RABGEF1: variants seen among roughly 807,000 people sequenced by gnomAD.
RABGEF1 encodes rab5 GDP/GTP exchange factor.
In RABGEF1, 26 loss-of-function variants were observed where a neutral mutation model predicts 57.3. That is an observed-to-expected ratio of 0.45 (90% CI 0.33 to 0.63). RABGEF1 has a LOEUF of 0.63. Among genes scored for constraint, RABGEF1 ranks in the 20% least tolerant of loss-of-function variants. RABGEF1 has a pLI of 0.02. For missense variants in RABGEF1, 464 were observed against 607.6 expected (o/e 0.76, Z 2.48); for synonymous variants, 185 against 210.7 (o/e 0.88, Z 1.06).
At chr7:66,801,637 T>C (rs1216743501) in intron 7 of RABGEF1, among the ~76,000 whole-genome samples, 2 of 152,230 alleles carry the variant, frequency 1.3e-5, no homozygotes, top group Non-Finnish European at 2.9e-5. Flanking sequence ...CATGTGATGG[T>C]TATCTTTCTG....
chr7:66,669,778 GGC>G, the RABGEF1 span: 1 of 152,310 alleles, frequency 6.6e-6, no homozygotes, highest in Non-Finnish European at 1.5e-5. Context: ...CTCGGGAAAT[GGC>G]ACCATCATCA....
intron 2 of RABGEF1, among the ~76,000 whole-genome samples, chr7:66,719,455 C>A (rs755609970): frequency 1.4e-4 from 22 of 152,112 alleles, no homozygotes; most frequent in Non-Finnish European, 2.5e-4. Context: ...CTCGGCCCCC[C>A]GCAGTGTGCT....
At chr7:66,783,910 T>G in intron 4 of RABGEF1, 69 bp downstream of exon 4, 1 of 1,362,066 alleles carries the variant, frequency 7.3e-7, no homozygotes, top group Non-Finnish European at 9.8e-7. Context: ...GATAATATAG[T>G]GCAACCTTGT....
chr7:66,748,399 A>G (rs1329231769), intron 1 of RABGEF1, among the ~76,000 whole-genome samples: 1 of 152,186 alleles, frequency 6.6e-6, no homozygotes, highest in African/African-American at 2.4e-5. Context: ...TGAATTTATC[A>G]GCAGTGGGGT....
chr7:66,711,987 A>G (rs2117395098), intron 1 of RABGEF1, among the ~76,000 whole-genome samples: 1 of 152,298 alleles, frequency 6.6e-6, no homozygotes, highest in Middle Eastern at 3.4e-3. Flanking sequence ...TATAGCAATT[A>G]CTTAATTACT....
chr7:66,749,667 C>T (rs902149823), intron 1 of RABGEF1, among the ~76,000 whole-genome samples: 1 of 151,970 alleles, frequency 6.6e-6, no homozygotes, highest in Non-Finnish European at 1.5e-5. Flanking sequence ...AAGCAAGACT[C>T]CATCTCTAAA....
At chr7:66,757,939 T>C (rs890147289) in intron 1 of RABGEF1, among the ~76,000 whole-genome samples, 1 of 152,090 alleles carries the variant, frequency 6.6e-6, no homozygotes, top group African/African-American at 2.4e-5. Context: ...TGCTTGTCTG[T>C]ATATATCAGG....
intron 7 of RABGEF1, among the ~76,000 whole-genome samples, chr7:66,803,422 CTT>C (rs1787745291): frequency 6.6e-6 from 1 of 152,222 alleles, no homozygotes; most frequent in African/African-American, 2.4e-5. Context: ...TGCCTTGGCT[CTT>C]TTCTTTTGTG....
chr7:66,726,470 TC>T (rs1405795413), intron 2 of RABGEF1, among the ~76,000 whole-genome samples: 1 of 152,074 alleles, frequency 6.6e-6, no homozygotes, highest in African/African-American at 2.4e-5. Flanking sequence ...GTTCAAGCGA[TC>T]CTCCCACCTC....
upstream of RABGEF1, among the ~76,000 whole-genome samples, chr7:66,737,172 C>T (rs754013703): frequency 2.9e-4 from 44 of 151,670 alleles, no homozygotes; most frequent in Non-Finnish European, 6.0e-4. Flanking sequence ...TTAGGCAATC[C>T]TCCCACCTTG....
chr7:66,732,247 G>C (rs1232840020), intron 2 of RABGEF1, among the ~76,000 whole-genome samples: 1 of 152,206 alleles, frequency 6.6e-6, no homozygotes, highest in Non-Finnish European at 1.5e-5. Flanking sequence ...AGCTAGCCAT[G>C]GGGCTGAGCA....
intron 1 of RABGEF1, among the ~76,000 whole-genome samples, chr7:66,767,973 A>G (rs1322321890): frequency 1.3e-5 from 2 of 152,186 alleles, no homozygotes; most frequent in South Asian, 2.1e-4. Flanking sequence ...CCTGAGTAGC[A>G]TTCTGTTGTA....
intron 1 of RABGEF1, among the ~76,000 whole-genome samples, chr7:66,683,139 T>A (rs1282254881): frequency 2.0e-5 from 3 of 152,194 alleles, no homozygotes; most frequent in African/African-American, 7.2e-5. Context: ...AAAACTGCTT[T>A]GTTTTTCCTT....
rs556491501 is a variant in RABGEF1 at position 66,793,885 on chromosome 7, A to G, written c.514-1626A>G. Among the ~76,000 whole-genome samples, 15 of 152,332 alleles carry G rather than the reference A, an allele frequency of 9.8e-5. No individual in the cohort carries two copies. In the East Asian group the frequency reaches 2.7e-3, roughly 27 times the overall value. ...GTATCGGCCCTTGGCGTGTGAGGTC[A>G]GTGGCCTGTGTAGATGAAGTCTGTG... On this transcript the variant is annotated intron_variant, in intron 4 of 8. Coordinates refer to ENST00000284957, the MANE Select transcript of RABGEF1 (RefSeq NM_014504.3).
At chr7:66,662,238 CAAAA>C in the RABGEF1 span, among the ~76,000 whole-genome samples, 3 of 88,124 alleles carry the variant, frequency 3.4e-5, no homozygotes, top group Admixed American at 1.2e-4. Flanking sequence ...GACTCCGTCT[CAAAA>C]AAAAAAAAAA....
At chr7:66,732,727 CTCTCTCTCTTGCTG>C (rs963086523) in intron 2 of RABGEF1, among the ~76,000 whole-genome samples, 9 of 149,974 alleles carry the variant, frequency 6.0e-5, no homozygotes, top group Non-Finnish European at 1.0e-4. Flanking sequence ...CTCTCTCGCT[CTCTCTCTCTTGCTG>C]TCTCTCTCGC....
chr7:66,796,954 G>A, intron 5 of RABGEF1: 2 of 425,774 alleles, frequency 4.7e-6, no homozygotes, highest in South Asian at 1.7e-5. Flanking sequence ...TTCTGAGTGT[G>A]TTTAATTTAT....
At chr7:66,704,926 G>GA (rs970660884) in intron 1 of RABGEF1, among the ~76,000 whole-genome samples, 38 of 151,718 alleles carry the variant, frequency 2.5e-4, no homozygotes, top group African/African-American at 9.0e-4. Flanking sequence ...AGTTTTTTAA[G>GA]AAACCACCAA....
At chr7:66,665,534 A>G in the RABGEF1 span, among the ~76,000 whole-genome samples, 1 of 152,088 alleles carries the variant, frequency 6.6e-6, no homozygotes, top group Admixed American at 6.6e-5. Context: ...AGGTTTGGAA[A>G]TGATCACAGG....
Sources: allele counts gnomAD v4.1 joint callset (sites outside exome capture counted in the v4.1 genomes callset), GRCh38; gene constraint gnomAD v4.1.1; transcripts MANE v1.5; gene names NCBI Gene and HGNC (gene_info 2026-07-23, HGNC 2026-07-21).